The following PMS1 variants were observed in gnomAD, a reference collection of about 807,000 sequenced individuals.
PMS1 encodes the protein PMS1 protein homolog 1.
Under a neutral mutation model 93.1 loss-of-function variants are expected in PMS1, and 79 were observed. That is an observed-to-expected ratio of 0.85 (90% CI 0.71 to 1.02). The LOEUF (loss-of-function observed/expected upper bound fraction) is 1.02. Ranked by LOEUF, PMS1 falls within the 50% of genes least tolerant of loss-of-function variation. The probability of loss-of-function intolerance (pLI) is 0.00; values close to 1 mark genes in which losing one functional copy is unlikely to be tolerated. For missense variants in PMS1, 1,064 were observed against 1,085.3 expected (o/e 0.98, Z 0.28); for synonymous variants, 335 against 363.4 (o/e 0.92, Z 0.89).
intron 3 of PMS1, among the ~76,000 whole-genome samples, chr2:189,799,221 T>TA (rs1192138211): frequency 2.0e-5 from 3 of 152,218 alleles, no homozygotes; most frequent in Non-Finnish European, 2.9e-5. Flanking sequence ...ATAAAGTTTT[T>TA]AAAAAAATGT....
chr2:189,856,280 A>G lies in PMS1; in HGVS notation c.1856+1152A>G, dbSNP rs543374462. Among the ~76,000 whole-genome samples the G allele has an allele frequency of 4.9e-4, 74 of 152,086 alleles. 1 individual carries two copies. Among genetic ancestry groups the G allele is most frequent in the African/African-American group, 1.7e-3 (70 of 41,544 alleles). On this transcript the variant is annotated intron_variant, in intron 9 of 12. Coordinates refer to ENST00000441310, the MANE Select transcript of PMS1 (RefSeq NM_000534.5). ...CACCAATCATCTCATAGTCAGCCCT[A>G]TTAGTCCTGTTTCATCCATACTTCC...
intron 5 of PMS1, among the ~76,000 whole-genome samples, chr2:189,831,446 T>G (rs1488637213): frequency 1.3e-5 from 2 of 152,220 alleles, no homozygotes; most frequent in African/African-American, 4.8e-5. Flanking sequence ...AAAGTGTCTA[T>G]TTTCTTTTAT....
intron 4 of PMS1, among the ~76,000 whole-genome samples, chr2:189,817,364 ATATGTACC>A (rs1208029317): frequency 6.6e-6 from 1 of 152,242 alleles, no homozygotes; most frequent in Non-Finnish European, 1.5e-5. Context: ...TGTTTTAAAA[ATATGTACC>A]TATGTACCTA....
At chr2:189,815,556 TGAAGAAGGTGCCTG>T (rs2051223376) in intron 4 of PMS1, among the ~76,000 whole-genome samples, 1 of 152,208 alleles carries the variant, frequency 6.6e-6, no homozygotes, top group Non-Finnish European at 1.5e-5. Flanking sequence ...TGCCGCCTTG[TGAAGAAGGTGCCTG>T]CTTCCCCTTC....
Position 189,867,936 on chromosome 2 carries a change from T to G in PMS1, c.2473+7T>G. ...AAGATAAAATTGATACCAGGTATGA[T>G]AGTGTGGTTTAATATTTTCTGATGT... On this transcript the variant is annotated splice_region_variant and intron_variant, in intron 11 of 12. Transcript: ENST00000441310. The G allele has an allele frequency of 6.2e-7, 1 of 1,605,600 alleles. No individual in the cohort carries two copies. The highest frequency in any genetic ancestry group is 8.5e-7 in the Non-Finnish European group (1 of 1,172,414).
intron 5 of PMS1, among the ~76,000 whole-genome samples, chr2:189,840,087 T>G (rs2053697605): frequency 6.6e-6 from 1 of 152,172 alleles, no homozygotes; most frequent in African/African-American, 2.4e-5. Context: ...TACAATTTAT[T>G]TTTATACTTT....
intron 10 of PMS1, among the ~76,000 whole-genome samples, chr2:189,865,949 G>GA (rs2056621767): frequency 6.6e-6 from 1 of 152,068 alleles, no homozygotes; most frequent in Non-Finnish European, 1.5e-5. Flanking sequence ...CATTGGAGGA[G>GA]AAAAAAACAG....
intron 5 of PMS1, among the ~76,000 whole-genome samples, chr2:189,827,042 C>A (rs939775340): frequency 2.0e-5 from 3 of 152,098 alleles, no homozygotes; most frequent in Admixed American, 2.0e-4. Flanking sequence ...TTCCTGGAAG[C>A]TAAGTCACTG....
intron 11 of PMS1, among the ~76,000 whole-genome samples, chr2:189,871,149 T>C (rs1575393065): frequency 6.6e-6 from 1 of 152,222 alleles, no homozygotes; most frequent in Admixed American, 6.5e-5. Flanking sequence ...TTTCGCTAGA[T>C]AGTGAAATTA....
At position 189,854,301 on chromosome 2, in the gene PMS1, A is replaced by T; in HGVS notation, c.1029A>T (p.Thr343=). The T allele has an allele frequency of 1.3e-6, 2 of 1,593,762 alleles. No individual in the cohort carries two copies. The highest frequency in any genetic ancestry group is 1.7e-6 in the Non-Finnish European group (2 of 1,171,150). Residue 343 remains threonine (T), a synonymous_variant, in exon 9 of 13, where the codon ACA becomes ACT. Coordinates refer to ENST00000441310, the MANE Select transcript of PMS1 (RefSeq NM_000534.5). Reference sequence around the variant, plus strand: ...CTTGTTATGGACCATTACCTAGTACAAATTCTTATGAAAATAATAAAACAG... The same window carrying T: ...CTTGTTATGGACCATTACCTAGTACTAATTCTTATGAAAATAATAAAACAG... ...MTTCYGPLPS[T]NSYENNKTDV... is the part of the protein sequence containing the mutation.
intron 4 of PMS1, among the ~76,000 whole-genome samples, chr2:189,815,134 G>GT (rs938312671): frequency 3.1e-4 from 47 of 151,598 alleles, no homozygotes; most frequent in Non-Finnish European, 5.7e-4. Flanking sequence ...CTCAAGCTGA[G>GT]ATCTGAAAGA....
chr2:189,825,806 T>G (rs769740761), intron 5 of PMS1, among the ~76,000 whole-genome samples: 4 of 152,230 alleles, frequency 2.6e-5, no homozygotes, highest in Admixed American at 6.5e-5. Context: ...ACATGAGCAT[T>G]AAGGCTTATT....
At chr2:189,851,665 A>G (rs112400719) in intron 6 of PMS1, among the ~76,000 whole-genome samples, 4 of 152,284 alleles carry the variant, frequency 2.6e-5, no homozygotes, top group African/African-American at 9.6e-5. Flanking sequence ...TTCCTGCTTA[A>G]CTAAAAATAG....
At chr2:189,842,962 T>TTA (rs144425315) in intron 5 of PMS1, among the ~76,000 whole-genome samples, 11,423 of 148,702 alleles carry the variant, frequency 0.077, 1,303 homozygotes, top group African/African-American at 0.25. Flanking sequence ...TACAAAGTAT[T>TTA]TATATATATA....
At position 189,863,979 on chromosome 2, in the gene PMS1, A is replaced by G; in HGVS notation, c.2093A>G (p.Gln698Arg). ...AGGAGTCAAAATATTAAAATGGTAC[A>G]GATCCCCTTTTCTATGAAAAACTTA... ...KRRSQNIKMV[Q>R]IPFSMKNLKI... is the part of the protein sequence containing the mutation. The change falls in exon 10 of 13, where the codon CAG becomes CGG. Residue 698 changes from glutamine (Q) to arginine (R), a missense_variant. By Grantham distance (43) the Gln-to-Arg change is conservative. Coordinates refer to ENST00000441310, the MANE Select transcript of PMS1 (RefSeq NM_000534.5). 6.2e-7 allele frequency: 1 copy of G among 1,607,968 alleles called. No homozygotes were observed. The highest frequency in any genetic ancestry group is 1.3e-5 in the African/African-American group (1 of 74,778).
At chr2:189,824,546 TTTA>T (rs1329814379) in intron 5 of PMS1, among the ~76,000 whole-genome samples, 2 of 152,080 alleles carry the variant, frequency 1.3e-5, no homozygotes, top group African/African-American at 4.8e-5. Context: ...TGTACTACAT[TTTA>T]TTATTTTCGG....
At chr2:189,869,380 C>T (rs1452208174) in intron 11 of PMS1, among the ~76,000 whole-genome samples, 1 of 152,178 alleles carries the variant, frequency 6.6e-6, no homozygotes, top group Non-Finnish European at 1.5e-5. Flanking sequence ...ATTTCTTGCT[C>T]AGGGTCCCTG....
At chr2:189,809,086 A>ATCATGTTCT (rs1166599844) in intron 4 of PMS1, among the ~76,000 whole-genome samples, 4 of 152,202 alleles carry the variant, frequency 2.6e-5, no homozygotes, top group Non-Finnish European at 5.9e-5. Flanking sequence ...GTTTCAGAAC[A>ATCATGTTCT]TCATGTTCTT....
At chr2:189,801,406 G>C (rs2049876986) in intron 3 of PMS1, among the ~76,000 whole-genome samples, 1 of 152,128 alleles carries the variant, frequency 6.6e-6, no homozygotes, top group South Asian at 2.1e-4. Flanking sequence ...TTGAAATAGA[G>C]AGAGTGAAAA....
Sources: allele counts gnomAD v4.1 joint callset (sites outside exome capture counted in the v4.1 genomes callset), GRCh38; gene constraint gnomAD v4.1.1; transcripts MANE v1.5; gene names NCBI Gene and HGNC (gene_info 2026-07-23, HGNC 2026-07-21).